The following SP140 variants were observed in gnomAD, a reference collection of about 807,000 sequenced individuals.
The protein encoded by SP140 is nuclear body protein SP140.
A neutral mutation model predicts 125.0 loss-of-function variants in SP140; 81 were observed. The observed-to-expected ratio is 0.65, with a 90% CI of 0.54 to 0.78. The LOEUF is 0.78. SP140 is among the 30% of genes least tolerant of loss of function. The pLI, the probability that SP140 is intolerant of heterozygous loss-of-function variation, is 0.00. For synonymous variants in SP140, 312 were observed against 354.0 expected (o/e 0.88, Z 1.33); for missense variants, 858 against 1,037.0 (o/e 0.83, Z 2.37).
intron 21 of SP140, 105 bp from the exon 22 acceptor site, chr2:230,297,316 A>G: frequency 8.9e-6 from 12 of 1,350,952 alleles, no homozygotes; most frequent in Non-Finnish European, 1.2e-5. Context: ...TTTTTTAACA[A>G]CTGGTTCCTG....
chr2:230,218,688 A>G (rs1376675979), intron 3 of SP140, among the ~76,000 whole-genome samples: 2 of 152,198 alleles, frequency 1.3e-5, no homozygotes, highest in Non-Finnish European at 2.9e-5. Context: ...AACTCACCCA[A>G]GGTATTCAGT....
chr2:230,188,629 T>C, the SP140 span, among the ~76,000 whole-genome samples: 3 of 152,348 alleles, frequency 2.0e-5, no homozygotes, highest in South Asian at 6.2e-4. Context: ...GGGTTTGTCA[T>C]ATATGACTTT....
intron 19 of SP140, among the ~76,000 whole-genome samples, chr2:230,291,847 G>A (rs910316029): frequency 6.6e-6 from 1 of 152,170 alleles, no homozygotes; most frequent in Non-Finnish European, 1.5e-5. Context: ...TTCCACAGTG[G>A]CTGCACTATT....
intron 21 of SP140, 75 bp from the exon 22 acceptor site, chr2:230,297,346 A>G (rs1409086454): frequency 2.7e-6 from 4 of 1,500,418 alleles, no homozygotes; most frequent in Non-Finnish European, 3.7e-6. Flanking sequence ...AAAGAATACT[A>G]TTTAAATTTA....
chr2:230,233,197 T>G (rs1156468315), intron 1 of SP140, among the ~76,000 whole-genome samples: 1 of 152,168 alleles, frequency 6.6e-6, no homozygotes, highest in African/African-American at 2.4e-5. Flanking sequence ...TACACTTGGG[T>G]TTCTAATTAA....
At chr2:230,299,123 C>T (rs910915070) in intron 22 of SP140, among the ~76,000 whole-genome samples, 9 of 152,164 alleles carry the variant, frequency 5.9e-5, no homozygotes, top group Non-Finnish European at 8.8e-5. Flanking sequence ...GACAGAACAG[C>T]GTGTTGAGAC....
intron 1 of SP140, among the ~76,000 whole-genome samples, chr2:230,232,137 T>G (rs1461376196): frequency 1.3e-5 from 2 of 152,204 alleles, no homozygotes; most frequent in Non-Finnish European, 2.9e-5. Context: ...ATGCTTTGGC[T>G]TTTTAAAAAC....
At chr2:230,244,463 T>C (rs1250063504) in intron 5 of SP140, among the ~76,000 whole-genome samples, 2 of 152,110 alleles carry the variant, frequency 1.3e-5, no homozygotes, top group African/African-American at 4.8e-5. Context: ...GGGTCATGGA[T>C]TGGAGTTCAC....
chr2:230,258,303 T>C (rs1185611521), intron 12 of SP140, among the ~76,000 whole-genome samples: 2 of 152,150 alleles, frequency 1.3e-5, no homozygotes, highest in Admixed American at 1.3e-4. Context: ...AGTTGCTAGA[T>C]TGAGAGTGTT....
chr2:230,239,672 C>A (rs993169071), intron 3 of SP140, among the ~76,000 whole-genome samples: 2 of 152,196 alleles, frequency 1.3e-5, no homozygotes, highest in Admixed American at 6.6e-5. Flanking sequence ...TGGTCTTGAA[C>A]CCCCGACCTC....
the SP140 span, among the ~76,000 whole-genome samples, chr2:230,195,795 G>A: frequency 6.6e-6 from 1 of 151,894 alleles, no homozygotes; most frequent in African/African-American, 2.4e-5. Flanking sequence ...GAGCAGGACT[G>A]AAAAAAACTG....
upstream of SP140, chr2:230,221,744 G>A: frequency 2.0e-6 from 3 of 1,535,538 alleles, no homozygotes; most frequent in Non-Finnish European, 2.6e-6. Flanking sequence ...CCCTTCATGG[G>A]CATCTGAGGA....
intron 15 of SP140, among the ~76,000 whole-genome samples, chr2:230,278,593 T>A (rs993277090): frequency 6.6e-6 from 1 of 152,078 alleles, no homozygotes; most frequent in African/African-American, 2.4e-5. Context: ...CTCAAGGAGC[T>A]TTTCCTCTGT....
intron 1 of SP140, among the ~76,000 whole-genome samples, chr2:230,227,834 A>G (rs1359044172): frequency 6.6e-6 from 1 of 152,146 alleles, no homozygotes; most frequent in Admixed American, 6.5e-5. Flanking sequence ...CTAGAGGTTT[A>G]TTAATTAACT....
At chr2:230,299,492 C>T (rs895158450) in intron 22 of SP140, among the ~76,000 whole-genome samples, 1 of 152,202 alleles carries the variant, frequency 6.6e-6, no homozygotes, top group Non-Finnish European at 1.5e-5. Flanking sequence ...ATCTCACAGT[C>T]CTTGGGGAGG....
At chr2:230,288,459 T>A (rs867715171) in intron 18 of SP140, among the ~76,000 whole-genome samples, 4 of 32,972 alleles carry the variant, frequency 1.2e-4, no homozygotes, top group Admixed American at 3.3e-4. Flanking sequence ...CCAACTATCT[T>A]TCTTTCTTTC....
chr2:230,304,871 C>T (rs780286415), intron 22 of SP140, among the ~76,000 whole-genome samples: 2 of 152,104 alleles, frequency 1.3e-5, no homozygotes, highest in African/African-American at 2.4e-5. Context: ...GGACCAAAAA[C>T]GCAAAAGCAA....
At chr2:230,245,573 A>G (rs1274771393) in intron 6 of SP140, among the ~76,000 whole-genome samples, 2 of 152,196 alleles carry the variant, frequency 1.3e-5, no homozygotes, top group Non-Finnish European at 2.9e-5. Flanking sequence ...AAGAAATGGT[A>G]GAAGTCAGGG....
intron 3 of SP140, chr2:230,215,155 T>G (rs1206090082): frequency 1.3e-6 from 2 of 1,497,324 alleles, no homozygotes; most frequent in Non-Finnish European, 1.9e-6. Flanking sequence ...TAAATGACTA[T>G]AAAATTGAAT....
Sources: gnomAD v4.1 joint callset for allele counts (sites outside exome capture counted in the v4.1 genomes callset) on GRCh38, gnomAD v4.1.1 for gene constraint, MANE v1.5 for transcripts, NCBI Gene and HGNC (gene_info 2026-07-23, HGNC 2026-07-21) for gene names.